HDDC2: variants seen among roughly 807,000 people sequenced by gnomAD.
HDDC2 encodes HD domain containing 2.
Under a neutral mutation model 25.5 loss-of-function variants are expected in HDDC2, and 25 were observed. That is an observed-to-expected ratio of 0.98 (90% confidence interval 0.72 to 1.37). The LOEUF is 1.37. Among genes scored for constraint, HDDC2 ranks in the 40% most tolerant of loss-of-function variants. The probability of loss-of-function intolerance (pLI) is 0.00; values close to 1 mark genes in which losing one functional copy is unlikely to be tolerated. For synonymous variants in HDDC2, 106 were observed against 89.7 expected, an observed-to-expected ratio of 1.18 and a Z score of -1.03; for missense variants, 264 against 253.1, an observed-to-expected ratio of 1.04 and a Z score of -0.29.
chr6:125,280,820 G>C (rs1034738839), intron 4 of HDDC2, among the ~76,000 whole-genome samples: 1 of 152,238 alleles, frequency 6.6e-6, no homozygotes, highest in African/African-American at 2.4e-5. Context: ...CTGCCTGCCG[G>C]CTCTGAAGAC....
At position 125,276,172 on chromosome 6, in the gene HDDC2, C is replaced by A; in HGVS notation, c.589G>T (p.Ala197Ser). 1.2e-6 allele frequency: 2 copies of A among 1,613,758 alleles called. No homozygotes were observed. Among genetic ancestry groups the A allele is most frequent in the East Asian group, 2.2e-5 (1 of 44,888 alleles). Residue 197 changes from alanine (A) to serine (S), a missense_variant, in exon 6 of 6, where the codon GCA (alanine) becomes TCA (serine). By Grantham distance (99) the Ala-to-Ser change is moderately conservative. Coordinates refer to ENST00000398153, the MANE Select transcript of HDDC2 (RefSeq NM_016063.3). ...LEAERSTNIA[A>S]AASEPHS ...CAGGAGTGTGGCTCACTGGCAGCTG[C>A]AGCTATGTTAGTGCTTCTTTCTGCC... is the stretch of plus-strand genomic sequence containing the variant.
At chr6:125,301,447 A>G (rs1798801140) in intron 1 of HDDC2, among the ~76,000 whole-genome samples, 1 of 149,150 alleles carries the variant, frequency 6.7e-6, no homozygotes, top group African/African-American at 2.5e-5. Context: ...CGCTTTACAC[A>G]CACACACACA....
At chr6:125,287,901 C>T (rs576189828) in intron 4 of HDDC2, among the ~76,000 whole-genome samples, 135 of 152,286 alleles carry the variant, frequency 8.9e-4, no homozygotes, top group Admixed American at 1.5e-3. Context: ...ACAGGCAGAG[C>T]GGGGTTGCCG....
intron 4 of HDDC2, 111 bp from the exon 5 acceptor site, chr6:125,277,351 G>A (rs796473024): frequency 7.1e-6 from 7 of 982,052 alleles, no homozygotes; most frequent in Non-Finnish European, 1.1e-5. Flanking sequence ...AGTACATTCT[G>A]TATCGGCCCC....
chr6:125,298,672 T>C, intron 3 of HDDC2, 42 bp downstream of exon 3: 1 of 1,473,822 alleles, frequency 6.8e-7, no homozygotes, highest in Non-Finnish European at 9.5e-7. Flanking sequence ...CAGCAAGAGG[T>C]TTTTCTGGTG....
chr6:125,295,936 G>A (rs1798700288), intron 3 of HDDC2, among the ~76,000 whole-genome samples: 1 of 151,948 alleles, frequency 6.6e-6, no homozygotes. Flanking sequence ...TAGGAATGAG[G>A]CCAGACTACA....
chr6:125,291,808 G>C (rs1414374938), intron 4 of HDDC2, among the ~76,000 whole-genome samples: 2 of 152,112 alleles, frequency 1.3e-5, no homozygotes, highest in Non-Finnish European at 2.9e-5. Flanking sequence ...GCCTTAAAAT[G>C]GCTATTTCAT....
intron 4 of HDDC2, among the ~76,000 whole-genome samples, chr6:125,286,233 T>C (rs1375037892): frequency 6.6e-6 from 1 of 152,200 alleles, no homozygotes; most frequent in Non-Finnish European, 1.5e-5. Context: ...CATAACTATA[T>C]GGTTACTTGT....
At chr6:125,291,050 TTAA>T (rs1269256173) in intron 4 of HDDC2, among the ~76,000 whole-genome samples, 1 of 152,224 alleles carries the variant, frequency 6.6e-6, no homozygotes, top group African/African-American at 2.4e-5. Context: ...GTTTTTCAAA[TTAA>T]TAATACAAGA....
At chr6:125,293,105 C>A in intron 3 of HDDC2, 196 bp from the exon 4 acceptor site, 1 of 667,420 alleles carries the variant, frequency 1.5e-6, no homozygotes, top group Non-Finnish European at 2.7e-6. Context: ...TAAGTGTAAT[C>A]ATTCATATGG....
intron 4 of HDDC2, among the ~76,000 whole-genome samples, chr6:125,288,165 A>G (rs1665035540): frequency 6.6e-6 from 1 of 152,234 alleles, no homozygotes. Context: ...GACAGTGTCT[A>G]TGTTCTCAAA....
intron 3 of HDDC2, among the ~76,000 whole-genome samples, chr6:125,294,743 G>A (rs1478979726): frequency 6.6e-6 from 1 of 152,082 alleles, no homozygotes. Flanking sequence ...AGTGATATAT[G>A]TATGATCTGA....
intron 3 of HDDC2, among the ~76,000 whole-genome samples, chr6:125,297,894 T>C (rs562483684): frequency 6.6e-6 from 1 of 152,356 alleles, no homozygotes; most frequent in African/African-American, 2.4e-5. Context: ...TTATTGATGT[T>C]ATTCATTTCT....
In HDDC2 at chr6:125,275,844, A is replaced by T. The variant is rs1798358884; in HGVS notation, c.*302T>A. ...TCGGGGATATCGGTAATTAAGTCAG[A>T]ATAAGATGATTTTAAATCTCCAATA... On this transcript the variant is annotated 3_prime_UTR_variant, in exon 6 of 6. Transcript: ENST00000398153. 1 of 314,008 alleles carries T rather than the reference A, an allele frequency of 3.2e-6. No individual in the cohort carries two copies. The highest frequency in any genetic ancestry group is 5.8e-6 in the Non-Finnish European group (1 of 172,704). 19.5% of individuals were successfully genotyped at this position (314,008 alleles called of 1,614,324 possible).
At chr6:125,301,482 G>GCACACACACGCGCGCGCACACACA (rs1412473241) in intron 1 of HDDC2, among the ~76,000 whole-genome samples, 14 of 120,344 alleles carry the variant, frequency 1.2e-4, no homozygotes, top group African/African-American at 3.7e-4. Flanking sequence ...GGGGTCGTGA[G>GCACACACACGCGCGCGCACACACA]CACACACACA....
intron 5 of HDDC2, chr6:125,276,548 A>G (rs1583047066): frequency 2.8e-6 from 1 of 360,530 alleles, no homozygotes; most frequent in African/African-American, 2.1e-5. Flanking sequence ...ACTATGGGAA[A>G]ACTCAGGTGT....
intron 4 of HDDC2, among the ~76,000 whole-genome samples, chr6:125,289,076 CAA>C (rs1285773524): frequency 8.6e-6 from 1 of 116,620 alleles, no homozygotes; most frequent in East Asian, 2.3e-4. Context: ...GACTTGGAAC[CAA>C]CCCAAATGTC....
chr6:125,298,699 A>C lies in HDDC2; in HGVS notation c.309+15T>G, dbSNP rs369364280. 13 of 1,600,800 alleles carry C rather than the reference A, an allele frequency of 8.1e-6. No individual in the cohort carries two copies. The highest frequency in any genetic ancestry group is 8.6e-6 in the Non-Finnish European group (10 of 1,167,830). On this transcript the variant is annotated intron_variant, in intron 3 of 5. Transcript: ENST00000398153. ...TTTCTGGTGGTTTTTTGCACAGTCA[A>C]TAGTCAACACTGACCTCTTCTCGCC...
In HDDC2 at chr6:125,293,310, G is replaced by A. The variant is rs191001444; in HGVS notation, c.310-401C>T. On this transcript the variant is annotated intron_variant, in intron 3 of 5. Transcript: ENST00000398153. ...AAACAAACCTGAGTGGGGAGAATGG[G>A]AAAGGAATACTGAATTACAAAGCTC... is the stretch of plus-strand genomic sequence containing the variant. 236 of 232,384 alleles carry A rather than the reference G, an allele frequency of 1.0e-3. 3 individuals carry two copies. Among genetic ancestry groups the A allele is most frequent in the African/African-American group, 4.8e-3 (216 of 44,688 alleles). 14.4% of individuals were successfully genotyped at this position (232,384 alleles called of 1,614,324 possible).
Sources: allele counts gnomAD v4.1 joint callset (sites outside exome capture counted in the v4.1 genomes callset), GRCh38; gene constraint gnomAD v4.1.1; transcripts MANE v1.5; gene names NCBI Gene and HGNC (gene_info 2026-07-23, HGNC 2026-07-21).